GSG1L: variants seen among roughly 807,000 people sequenced by gnomAD.
GSG1L encodes the protein germ cell-specific gene 1-like protein.
GSG1L carries 24 observed loss-of-function variants against 42.1 expected under a neutral mutation model. The observed-to-expected ratio is 0.57, with a 90% CI of 0.41 to 0.80. GSG1L has a LOEUF of 0.80. Ranked by LOEUF, GSG1L falls within the 30% of genes least tolerant of loss-of-function variation. GSG1L has a pLI of 0.00. For synonymous variants in GSG1L, 215 were observed against 203.5 expected (o/e 1.06, Z -0.48); for missense variants, 445 against 472.2 (o/e 0.94, Z 0.53).
chr16:27,852,744 C>T (rs560888849), intron 3 of GSG1L, among the ~76,000 whole-genome samples: 2 of 152,148 alleles, frequency 1.3e-5, no homozygotes, highest in Admixed American at 6.5e-5. Context: ...GCAGGAATTG[C>T]AACTTTCGGA....
chr16:27,867,531 G>C (rs561708749), intron 3 of GSG1L, among the ~76,000 whole-genome samples: 2 of 152,336 alleles, frequency 1.3e-5, no homozygotes, highest in South Asian at 4.1e-4. Context: ...GCTACTTCCA[G>C]TCGCTGGGCA....
At chr16:27,930,998 C>T (rs556194427) in intron 2 of GSG1L, among the ~76,000 whole-genome samples, 37 of 152,230 alleles carry the variant, frequency 2.4e-4, no homozygotes, top group East Asian at 5.8e-4. Context: ...GTGATTCTTC[C>T]GCCTCGGCCT....
chr16:27,839,061 G>A (rs2083350499), intron 4 of GSG1L, among the ~76,000 whole-genome samples: 1 of 152,200 alleles, frequency 6.6e-6, no homozygotes, highest in Non-Finnish European at 1.5e-5. Context: ...TTGGCCTGCT[G>A]GAATACCAGC....
At chr16:27,863,814 A>G (rs2083683452) in intron 3 of GSG1L, among the ~76,000 whole-genome samples, 1 of 152,214 alleles carries the variant, frequency 6.6e-6, no homozygotes, top group Non-Finnish European at 1.5e-5. Context: ...ACCTACCCTC[A>G]TTGAAGACCC....
intron 5 of GSG1L, among the ~76,000 whole-genome samples, chr16:27,812,713 C>T (rs991380500): frequency 2.0e-5 from 3 of 152,088 alleles, no homozygotes; most frequent in Admixed American, 2.0e-4. Context: ...GTTTGAGCTG[C>T]ATCATGAAGG....
intron 2 of GSG1L, among the ~76,000 whole-genome samples, chr16:27,929,498 C>T (rs577301934): frequency 7.2e-5 from 11 of 152,180 alleles, no homozygotes; most frequent in Admixed American, 1.3e-4. Context: ...CTGCTAAGTA[C>T]GGACATCCTC....
chr16:27,920,797 C>G (rs568186266), intron 2 of GSG1L, among the ~76,000 whole-genome samples: 6 of 152,308 alleles, frequency 3.9e-5, no homozygotes, highest in Admixed American at 3.9e-4. Flanking sequence ...CAGCAAGGCA[C>G]AGCAGGCGTG....
chr16:28,014,703 T>C (rs2085760808), intron 1 of GSG1L, among the ~76,000 whole-genome samples: 1 of 148,348 alleles, frequency 6.7e-6, no homozygotes, highest in Non-Finnish European at 1.5e-5. Context: ...CTCACTATGT[T>C]GTCTAGGCTG....
chr16:27,881,950 C>A (rs1351803510), intron 3 of GSG1L, among the ~76,000 whole-genome samples: 2 of 152,152 alleles, frequency 1.3e-5, no homozygotes, highest in African/African-American at 4.8e-5. Flanking sequence ...GTTGGCCTCC[C>A]CACCTCCATT....
At chr16:27,976,702 C>T (rs1008187072) in intron 1 of GSG1L, among the ~76,000 whole-genome samples, 1 of 152,212 alleles carries the variant, frequency 6.6e-6, no homozygotes, top group Non-Finnish European at 1.5e-5. Flanking sequence ...TTAGCCATCA[C>T]GTCTGCATTC....
At chr16:27,984,312 G>A (rs79075449) in intron 1 of GSG1L, among the ~76,000 whole-genome samples, 104 of 152,248 alleles carry the variant, frequency 6.8e-4, no homozygotes, top group East Asian at 5.8e-3. Context: ...GCCAGGAGCC[G>A]AGAGACCAAG....
chr16:27,989,025 C>A (rs561891299), intron 1 of GSG1L, among the ~76,000 whole-genome samples: 1 of 142,008 alleles, frequency 7.0e-6, no homozygotes, highest in African/African-American at 2.6e-5. Context: ...TGCACTCCAG[C>A]CTAGGTGACA....
At chr16:27,919,695 C>A (rs1012471758) in intron 2 of GSG1L, among the ~76,000 whole-genome samples, 2 of 152,182 alleles carry the variant, frequency 1.3e-5, no homozygotes, top group Non-Finnish European at 2.9e-5. Context: ...CTCACCCTGA[C>A]CACACAGGCT....
At chr16:27,888,084 G>T (rs2084050720) in intron 2 of GSG1L, 1 of 985,144 alleles carries the variant, frequency 1.0e-6, no homozygotes, top group Non-Finnish European at 1.2e-6. Flanking sequence ...TGCTCCTATC[G>T]CTGGGTTTCC....
At chr16:27,975,979 A>G (rs2085246006) in intron 1 of GSG1L, among the ~76,000 whole-genome samples, 3 of 152,218 alleles carry the variant, frequency 2.0e-5, no homozygotes, top group Non-Finnish European at 2.9e-5. Flanking sequence ...GCTCTTCTAA[A>G]TAACACCCAG....
chr16:27,905,313 C>T (rs1289459036), intron 2 of GSG1L, among the ~76,000 whole-genome samples: 1 of 147,024 alleles, frequency 6.8e-6, no homozygotes, highest in African/African-American at 2.5e-5. Flanking sequence ...CCGTTCATGC[C>T]AGAATCTTTT....
chr16:27,937,534 G>T (rs866626491), intron 2 of GSG1L, among the ~76,000 whole-genome samples: 1 of 152,136 alleles, frequency 6.6e-6, no homozygotes, highest in African/African-American at 2.4e-5. Flanking sequence ...GAGCCACCAC[G>T]CCTGGCCCCT....
chr16:27,927,596 T>C (rs993722511), intron 2 of GSG1L, among the ~76,000 whole-genome samples: 1 of 152,094 alleles, frequency 6.6e-6, no homozygotes, highest in Non-Finnish European at 1.5e-5. Flanking sequence ...AGGGCCTTTG[T>C]ACATGCCAAT....
intron 2 of GSG1L, among the ~76,000 whole-genome samples, chr16:27,961,470 C>G (rs1012437999): frequency 6.6e-6 from 1 of 152,226 alleles, no homozygotes; most frequent in Admixed American, 6.5e-5. Flanking sequence ...GGATTTCACC[C>G]AGCTCTGCCT....
Sources: allele counts gnomAD v4.1 joint callset (sites outside exome capture counted in the v4.1 genomes callset), GRCh38; gene constraint gnomAD v4.1.1; transcripts MANE v1.5; gene names NCBI Gene and HGNC (gene_info 2026-07-23, HGNC 2026-07-21).